Variants in AGBL4 observed in about 807,000 individuals in gnomAD.
AGBL4 encodes cytosolic carboxypeptidase 6.
Under a neutral mutation model 66.4 loss-of-function variants are expected in AGBL4, and 58 were observed. The observed-to-expected ratio is 0.87, with a 90% CI of 0.71 to 1.09. The LOEUF is 1.09. AGBL4 is among the 50% of genes least tolerant of loss of function. The pLI is 0.00. For missense variants in AGBL4, 579 were observed against 631.0 expected (o/e 0.92, Z 0.88); for synonymous variants, 234 against 222.9 (o/e 1.05, Z -0.44).
intron 1 of AGBL4, among the ~76,000 whole-genome samples, chr1:49,953,612 T>C (rs762656799): frequency 2.0e-5 from 3 of 151,896 alleles, no homozygotes; most frequent in Admixed American, 1.3e-4. Context: ...CTATGAGCAT[T>C]GCTATGATGC....
chr1:49,456,302 T>A (rs781279484), intron 3 of AGBL4, among the ~76,000 whole-genome samples: 1 of 151,742 alleles, frequency 6.6e-6, no homozygotes, highest in African/African-American at 2.4e-5. Context: ...TGTCAGGCCT[T>A]CTTTACTTCC....
At chr1:49,293,756 G>A (rs1046042936) in intron 3 of AGBL4, among the ~76,000 whole-genome samples, 8 of 152,152 alleles carry the variant, frequency 5.3e-5, no homozygotes, top group Non-Finnish European at 1.0e-4. Flanking sequence ...TGTAGAAATA[G>A]TTGTCAACAG....
intron 3 of AGBL4, among the ~76,000 whole-genome samples, chr1:49,623,180 C>T (rs1645400537): frequency 6.6e-6 from 1 of 152,190 alleles, no homozygotes; most frequent in Non-Finnish European, 1.5e-5. Flanking sequence ...TATGCAGCTG[C>T]TGGTGATCGC....
intron 4 of AGBL4, among the ~76,000 whole-genome samples, chr1:49,147,945 AG>A (rs1569828598): frequency 6.6e-6 from 1 of 152,110 alleles, no homozygotes; most frequent in Admixed American, 6.6e-5. Context: ...TGTCCAAAGC[AG>A]GGATCTTTCT....
At chr1:49,348,091 G>C (rs1193484055) in intron 3 of AGBL4, among the ~76,000 whole-genome samples, 2 of 151,978 alleles carry the variant, frequency 1.3e-5, no homozygotes, top group Non-Finnish European at 2.9e-5. Flanking sequence ...GACTATTTGA[G>C]TGGGCCCTAA....
intron 4 of AGBL4, among the ~76,000 whole-genome samples, chr1:49,238,801 TTTTA>T (rs1421419714): frequency 3.9e-5 from 6 of 152,312 alleles, no homozygotes; most frequent in African/African-American, 1.4e-4. Context: ...GGGGAGCACC[TTTTA>T]TTTGTCTGTA....
At chr1:49,491,807 A>G (rs77707050) in intron 3 of AGBL4, among the ~76,000 whole-genome samples, 11 of 152,070 alleles carry the variant, frequency 7.2e-5, no homozygotes, top group African/African-American at 2.6e-4. Context: ...AAAATGCAAT[A>G]TAGTAGTCTC....
At chr1:49,089,711 T>C (rs947612380) in intron 4 of AGBL4, among the ~76,000 whole-genome samples, 1 of 151,978 alleles carries the variant, frequency 6.6e-6, no homozygotes, top group Non-Finnish European at 1.5e-5. Flanking sequence ...TTCCAAAAAA[T>C]TGGGGAGGAA....
At chr1:49,546,349 GTA>G (rs987389345) in intron 3 of AGBL4, among the ~76,000 whole-genome samples, 1 of 149,296 alleles carries the variant, frequency 6.7e-6, no homozygotes, top group Non-Finnish European at 1.5e-5. Context: ...ATGTATATAT[GTA>G]TATATATATT....
At chr1:49,395,104 A>G (rs1048130985) in intron 3 of AGBL4, among the ~76,000 whole-genome samples, 1 of 152,208 alleles carries the variant, frequency 6.6e-6, no homozygotes, top group African/African-American at 2.4e-5. Context: ...GCTGATTGGC[A>G]TGACCTTAAT....
chr1:48,713,769 A>G (rs1647004075), intron 6 of AGBL4, among the ~76,000 whole-genome samples: 1 of 152,184 alleles, frequency 6.6e-6, no homozygotes, highest in Non-Finnish European at 1.5e-5. Flanking sequence ...TAGTCTTAGC[A>G]TCAGGGCCTG....
chr1:48,549,043 G>T (rs1644210403), intron 11 of AGBL4, among the ~76,000 whole-genome samples: 1 of 152,074 alleles, frequency 6.6e-6, no homozygotes, highest in East Asian at 1.9e-4. Context: ...TAAGAAAATT[G>T]AATTCCTACC....
chr1:49,297,625 T>C (rs1166588067), intron 3 of AGBL4, among the ~76,000 whole-genome samples: 1 of 152,178 alleles, frequency 6.6e-6, no homozygotes, highest in Non-Finnish European at 1.5e-5. Context: ...AAACATTCAC[T>C]GAATTTGATT....
chr1:49,836,876 C>T (rs189073908), intron 2 of AGBL4, among the ~76,000 whole-genome samples: 1 of 152,176 alleles, frequency 6.6e-6, no homozygotes, highest in Non-Finnish European at 1.5e-5. Flanking sequence ...AGGTCCATTC[C>T]AGACCCATTT....
intron 4 of AGBL4, among the ~76,000 whole-genome samples, chr1:49,221,347 C>T (rs956554955): frequency 6.6e-6 from 1 of 152,116 alleles, no homozygotes; most frequent in Non-Finnish European, 1.5e-5. Context: ...CCTTCAGAGG[C>T]ACTGAAGTCC....
At chr1:48,805,744 ATGGTAGCAT>A (rs1192704846) in intron 6 of AGBL4, among the ~76,000 whole-genome samples, 4 of 152,152 alleles carry the variant, frequency 2.6e-5, no homozygotes, top group African/African-American at 9.7e-5. Flanking sequence ...TAGCCACTAA[ATGGTAGCAT>A]TGGTCCTTGG....
intron 1 of AGBL4, among the ~76,000 whole-genome samples, chr1:49,934,493 A>G (rs1157292070): frequency 6.6e-6 from 1 of 152,220 alleles, no homozygotes; most frequent in Non-Finnish European, 1.5e-5. Flanking sequence ...CTAGGAATCA[A>G]TAACAGGAAA....
chr1:48,900,540 A>C (rs571986704), intron 5 of AGBL4, among the ~76,000 whole-genome samples: 1 of 152,382 alleles, frequency 6.6e-6, no homozygotes, highest in South Asian at 2.1e-4. Context: ...TAGCATAATT[A>C]GATCCATAAA....
chr1:48,906,508 C>G (rs1049996597), intron 5 of AGBL4, among the ~76,000 whole-genome samples: 2 of 151,936 alleles, frequency 1.3e-5, no homozygotes, highest in Non-Finnish European at 2.9e-5. Flanking sequence ...GAAATGGTTA[C>G]GACAAATTGG....
Sources: allele counts gnomAD v4.1 joint callset (sites outside exome capture counted in the v4.1 genomes callset), GRCh38; gene constraint gnomAD v4.1.1; transcripts MANE v1.5; gene names NCBI Gene and HGNC (gene_info 2026-07-23, HGNC 2026-07-21).